The following B4GALT5 variants were observed in gnomAD, a reference collection of about 807,000 sequenced individuals.
B4GALT5 encodes the protein UDP-Gal:beta-GlcNAc beta-1,4-galactosyltransferase 5.
Under a neutral mutation model 45.0 loss-of-function variants are expected in B4GALT5, and 11 were observed. That is an observed-to-expected ratio of 0.24 (90% CI 0.15 to 0.40). The LOEUF (loss-of-function observed/expected upper bound fraction) is 0.40. Among genes scored for constraint, B4GALT5 ranks in the 10% least tolerant of loss-of-function variants. B4GALT5 has a pLI of 1.00. For missense variants in B4GALT5, 337 were observed against 500.2 expected (o/e 0.67, Z 3.11); for synonymous variants, 185 against 182.9 (o/e 1.01, Z -0.09).
intron 2 of B4GALT5, among the ~76,000 whole-genome samples, chr20:49,651,401 C>G (rs1434742925): frequency 6.6e-6 from 1 of 151,602 alleles, no homozygotes; most frequent in Non-Finnish European, 1.5e-5. Flanking sequence ...CCAGCCTGGC[C>G]AACATAGTGA....
At chr20:49,643,407 C>A (rs1408030257) in intron 4 of B4GALT5, 119 bp downstream of exon 4, 1 of 1,309,776 alleles carries the variant, frequency 7.6e-7, no homozygotes, top group Non-Finnish European at 1.1e-6. Flanking sequence ...TCTACATTTG[C>A]ATGGAATGGT....
Position 49,636,594 on chromosome 20 carries a change from C to T in B4GALT5, c.1020-135G>A, listed in dbSNP as rs2085555020. Reference sequence around the variant, plus strand: ...ACTTCTGCAGCACAAGGTGGGCGCACGGCCAATTCTGCTATGCCAGGCTGA... The same window carrying T: ...ACTTCTGCAGCACAAGGTGGGCGCATGGCCAATTCTGCTATGCCAGGCTGA... On this transcript the variant is annotated intron_variant, in intron 8 of 8. Coordinates refer to ENST00000371711, the MANE Select transcript of B4GALT5 (RefSeq NM_004776.4). The T allele has an allele frequency of 1.7e-5, 16 of 960,260 alleles. No homozygotes were observed. In the Admixed American group the frequency reaches 2.7e-4, roughly 16 times the overall value. 59.5% of individuals were successfully genotyped at this position (960,260 alleles called of 1,614,324 possible).
chr20:49,676,603 G>GGCAAGAA (rs1568726981), intron 1 of B4GALT5, among the ~76,000 whole-genome samples: 1 of 152,172 alleles, frequency 6.6e-6, no homozygotes, highest in Admixed American at 6.5e-5. Flanking sequence ...TCTTCCTTCC[G>GGCAAGAA]TAAGAAGGCC....
At chr20:49,683,924 T>C (rs982414724) in intron 1 of B4GALT5, among the ~76,000 whole-genome samples, 5 of 148,064 alleles carry the variant, frequency 3.4e-5, no homozygotes, top group African/African-American at 1.2e-4. Context: ...GTGGATCACT[T>C]GAGGTCAGAA....
intron 1 of B4GALT5, among the ~76,000 whole-genome samples, chr20:49,692,971 TTC>T (rs1362746474): frequency 6.6e-6 from 1 of 152,224 alleles, no homozygotes; most frequent in African/African-American, 2.4e-5. Context: ...ACTATACCTT[TTC>T]TGTTTAGATA....
At chr20:49,643,760 T>A in intron 3 of B4GALT5, 110 bp from the exon 4 acceptor site, 14 of 1,247,932 alleles carry the variant, frequency 1.1e-5, no homozygotes, top group Non-Finnish European at 1.4e-5. Flanking sequence ...GAATTTGTTT[T>A]TAGCAAGGAT....
intron 1 of B4GALT5, among the ~76,000 whole-genome samples, chr20:49,678,326 C>T (rs1311038979): frequency 6.6e-6 from 1 of 152,206 alleles, no homozygotes; most frequent in African/African-American, 2.4e-5. Flanking sequence ...AACCCTGGAA[C>T]TCACAAAGGA....
At chr20:49,688,032 C>T (rs747302444) in intron 1 of B4GALT5, among the ~76,000 whole-genome samples, 3 of 152,056 alleles carry the variant, frequency 2.0e-5, no homozygotes, top group Non-Finnish European at 4.4e-5. Context: ...TCTGCCAATG[C>T]TAGGTGCCAG....
chr20:49,680,614 A>G (rs917373358), intron 1 of B4GALT5, among the ~76,000 whole-genome samples: 5 of 152,188 alleles, frequency 3.3e-5, no homozygotes, highest in Admixed American at 6.5e-5. Flanking sequence ...AAGGGGACTA[A>G]TAATAGGTGG....
chr20:49,667,419 T>C (rs1403420486), intron 1 of B4GALT5, among the ~76,000 whole-genome samples: 1 of 151,806 alleles, frequency 6.6e-6, no homozygotes, highest in East Asian at 1.9e-4. Flanking sequence ...GCCCGGCTAA[T>C]TTTTTTTGTA....
At chr20:49,705,357 C>A (rs1323068953) in intron 1 of B4GALT5, among the ~76,000 whole-genome samples, 1 of 152,160 alleles carries the variant, frequency 6.6e-6, no homozygotes, top group Non-Finnish European at 1.5e-5. Context: ...AAAGATATTT[C>A]CAAAAATTCT....
At chr20:49,677,169 CG>C (rs2085741477) in intron 1 of B4GALT5, among the ~76,000 whole-genome samples, 1 of 152,038 alleles carries the variant, frequency 6.6e-6, no homozygotes, top group Non-Finnish European at 1.5e-5. Context: ...GGGGAACCAC[CG>C]GGAAACACAG....
intron 7 of B4GALT5, among the ~76,000 whole-genome samples, chr20:49,639,091 C>A (rs1326681257): frequency 5.9e-5 from 9 of 152,016 alleles, no homozygotes; most frequent in Admixed American, 2.0e-4. Context: ...TGTTCACTTG[C>A]CACTTTTTAA....
chr20:49,686,537 A>G (rs889098242), intron 1 of B4GALT5, among the ~76,000 whole-genome samples: 1 of 151,966 alleles, frequency 6.6e-6, no homozygotes, highest in African/African-American at 2.4e-5. Context: ...AAAAAAATAC[A>G]TTTACTCTTA....
chr20:49,678,871 T>C (rs1444201524), intron 1 of B4GALT5, among the ~76,000 whole-genome samples: 2 of 152,158 alleles, frequency 1.3e-5, no homozygotes, highest in Non-Finnish European at 2.9e-5. Flanking sequence ...ATATAAACAT[T>C]GTTAGTGCTG....
intron 1 of B4GALT5, among the ~76,000 whole-genome samples, chr20:49,664,470 A>ACACACT (rs1491449710): frequency 1.2e-4 from 17 of 143,434 alleles, no homozygotes; most frequent in Non-Finnish European, 1.7e-4. Flanking sequence ...ACACACACAC[A>ACACACT]CTTTAGATTC....
In B4GALT5 at chr20:49,637,374, T is replaced by C. The variant is rs2085558476; in HGVS notation, c.986A>G (p.His329Arg). The stretch of plus-strand genomic sequence containing the variant: ...AAACTGGACTTCTCCTCGATGGTGA[T>C]GAGGAATGGACTTGTACTTTCCTGT... The part of the protein sequence containing the change: ...GDTGKYKSIP[H>R]HHRGEVQFLG... Residue 329 changes from histidine (H) to arginine (R), a missense_variant, in exon 8 of 9, where the codon CAT becomes CGT. Transcript: ENST00000371711. The C allele has an allele frequency of 6.2e-7, 1 of 1,613,928 alleles. No individual in the cohort carries two copies. Among genetic ancestry groups the C allele is most frequent in the Admixed American group, 1.7e-5 (1 of 59,988 alleles).
At chr20:49,644,330 C>G (rs2085590121) in intron 3 of B4GALT5, among the ~76,000 whole-genome samples, 1 of 152,066 alleles carries the variant, frequency 6.6e-6, no homozygotes, top group South Asian at 2.1e-4. Context: ...CAGTGATTCT[C>G]CCACCTTGGC....
At chr20:49,710,659 C>A (rs1465501126) in intron 1 of B4GALT5, among the ~76,000 whole-genome samples, 1 of 152,026 alleles carries the variant, frequency 6.6e-6, no homozygotes, top group African/African-American at 2.4e-5. Context: ...ACCTCATGAT[C>A]CACCCACCTT....
Sources: gnomAD v4.1 joint callset for allele counts (sites outside exome capture counted in the v4.1 genomes callset) on GRCh38, gnomAD v4.1.1 for gene constraint, MANE v1.5 for transcripts, NCBI Gene and HGNC (gene_info 2026-07-23, HGNC 2026-07-21) for gene names.